Variants in MIS18A observed in about 807,000 individuals in gnomAD.
The protein encoded by MIS18A is protein Mis18-alpha.
In MIS18A, 14 loss-of-function variants were observed where a neutral mutation model predicts 25.0. That is an observed-to-expected ratio of 0.56 (90% confidence interval 0.37 to 0.88). The LOEUF (loss-of-function observed/expected upper bound fraction) is 0.88, where lower values mean the gene tolerates loss of function less well. Among genes scored for constraint, MIS18A ranks in the 40% least tolerant of loss-of-function variants. The probability of loss-of-function intolerance (pLI) is 0.00; values close to 1 mark genes in which losing one functional copy is unlikely to be tolerated. For missense variants in MIS18A, 292 were observed against 290.8 expected (o/e 1.00, Z -0.03); for synonymous variants, 134 against 118.6 (o/e 1.13, Z -0.84).
At chr21:32,197,230 G>A in the MIS18A span, among the ~76,000 whole-genome samples, 4 of 152,218 alleles carry the variant, frequency 2.6e-5, no homozygotes, top group African/African-American at 4.8e-5. Context: ...TCTTCACAAT[G>A]TCTGTCCTTA....
At chr21:32,205,145 C>T in the MIS18A span, among the ~76,000 whole-genome samples, 1,924 of 123,548 alleles carry the variant, frequency 0.016, 45 homozygotes, top group African/African-American at 0.054. Context: ...CACTCTGTCT[C>T]CCAGGCTGGA....
chr21:32,198,667 TG>T, the MIS18A span, among the ~76,000 whole-genome samples: 23 of 152,360 alleles, frequency 1.5e-4, no homozygotes, highest in African/African-American at 5.3e-4. Context: ...CCCTGGCTGC[TG>T]CCCCAAGTGG....
intron 3 of MIS18A, 51 bp from the exon 4 acceptor site, chr21:32,269,854 T>C: frequency 8.9e-7 from 1 of 1,123,012 alleles, no homozygotes; most frequent in Non-Finnish European, 1.4e-6. Flanking sequence ...TGGCATGCAC[T>C]TGTTCCCAGC....
chr21:32,209,710 C>A, the MIS18A span, among the ~76,000 whole-genome samples: 3 of 152,070 alleles, frequency 2.0e-5, no homozygotes, highest in Non-Finnish European at 2.9e-5. Flanking sequence ...GGGCGGTTAC[C>A]CTAGTGCTGC....
the MIS18A span, among the ~76,000 whole-genome samples, chr21:32,240,091 C>A: frequency 6.6e-6 from 1 of 152,246 alleles, no homozygotes; most frequent in African/African-American, 2.4e-5. Context: ...GTGGGGGACA[C>A]AATGATGTCA....
At chr21:32,188,106 G>A in the MIS18A span, among the ~76,000 whole-genome samples, 8 of 152,242 alleles carry the variant, frequency 5.3e-5, no homozygotes, top group East Asian at 1.4e-3. Context: ...CACCAGGAAC[G>A]AACCATTCTG....
At chr21:32,262,287 T>C in the MIS18A span, among the ~76,000 whole-genome samples, 30 of 152,226 alleles carry the variant, frequency 2.0e-4, no homozygotes, top group Non-Finnish European at 4.1e-4. Context: ...AGGGAAGCAG[T>C]TGTGACAGTC....
chr21:32,179,427 T>TCATGCACA, the MIS18A span, among the ~76,000 whole-genome samples: 1 of 132,310 alleles, frequency 7.6e-6, no homozygotes, highest in African/African-American at 2.9e-5. Flanking sequence ...ATGTCCCCCT[T>TCATGCACA]CATGCACACA....
chr21:32,276,175 G>C (rs1325733455), intron 1 of MIS18A, among the ~76,000 whole-genome samples: 1 of 152,122 alleles, frequency 6.6e-6, no homozygotes, highest in African/African-American at 2.4e-5. Context: ...CTGCAGCCAA[G>C]CTAGCATTCA....
At chr21:32,222,897 T>G in the MIS18A span, among the ~76,000 whole-genome samples, 4 of 137,390 alleles carry the variant, frequency 2.9e-5, no homozygotes, top group African/African-American at 5.6e-5. Flanking sequence ...ATTGCGCTAC[T>G]GCACTCCAGC....
At chr21:32,219,125 C>T in the MIS18A span, among the ~76,000 whole-genome samples, 2 of 151,994 alleles carry the variant, frequency 1.3e-5, no homozygotes, top group South Asian at 4.2e-4. Flanking sequence ...GATTCACATT[C>T]CAACCAAAAG....
chr21:32,160,305 C>T, the MIS18A span, among the ~76,000 whole-genome samples: 9 of 101,060 alleles, frequency 8.9e-5, no homozygotes, highest in South Asian at 1.4e-3. Context: ...CACACACACA[C>T]ACACACACAC....
the MIS18A span, among the ~76,000 whole-genome samples, chr21:32,218,835 C>A: frequency 6.6e-6 from 1 of 152,010 alleles, no homozygotes; most frequent in Admixed American, 6.6e-5. Flanking sequence ...GAAGCTGAGG[C>A]TAGTGGATCA....
the MIS18A span, among the ~76,000 whole-genome samples, chr21:32,158,032 T>A: frequency 6.6e-6 from 1 of 152,278 alleles, no homozygotes; most frequent in East Asian, 1.9e-4. Flanking sequence ...GTTTACCAAT[T>A]TGATAAGCAT....
At chr21:32,190,070 CATG>C in the MIS18A span, among the ~76,000 whole-genome samples, 1 of 152,158 alleles carries the variant, frequency 6.6e-6, no homozygotes, top group African/African-American at 2.4e-5. Context: ...AGAAGGTAAC[CATG>C]TGCCACAGAA....
chr21:32,212,848 A>C, the MIS18A span, among the ~76,000 whole-genome samples: 6 of 152,194 alleles, frequency 3.9e-5, no homozygotes, highest in African/African-American at 1.4e-4. Context: ...CAGTGTAAGA[A>C]GTCCCTTTGC....
the MIS18A span, among the ~76,000 whole-genome samples, chr21:32,244,179 T>C: frequency 6.6e-6 from 1 of 152,166 alleles, no homozygotes; most frequent in South Asian, 2.1e-4. Context: ...TACAGTATGA[T>C]TTCCTTCATA....
chr21:32,177,321 C>T, the MIS18A span, among the ~76,000 whole-genome samples: 1 of 152,072 alleles, frequency 6.6e-6, no homozygotes, highest in Non-Finnish European at 1.5e-5. Flanking sequence ...ATAATAGTAT[C>T]TTTAAGAAAA....
the MIS18A span, among the ~76,000 whole-genome samples, chr21:32,157,227 T>TC: frequency 3.2e-5 from 2 of 63,280 alleles, 1 homozygote; most frequent in Non-Finnish European, 5.5e-5. Flanking sequence ...CGGCTAATTT[T>TC]TTTTTTTTTT....
Sources: gnomAD v4.1 joint callset for allele counts (sites outside exome capture counted in the v4.1 genomes callset) on GRCh38, gnomAD v4.1.1 for gene constraint, MANE v1.5 for transcripts, NCBI Gene and HGNC (gene_info 2026-07-23, HGNC 2026-07-21) for gene names.